The following GLRA3 variants were observed in gnomAD, a reference collection of about 807,000 sequenced individuals.
GLRA3 encodes glycine receptor subunit alpha-3.
A neutral mutation model predicts 60.4 loss-of-function variants in GLRA3; 44 were observed. That is an observed-to-expected ratio of 0.73 (90% CI 0.57 to 0.94). The LOEUF is 0.94. GLRA3 is among the 40% of genes least tolerant of loss of function. The probability of loss-of-function intolerance (pLI) is 0.00; values close to 1 mark genes in which losing one functional copy is unlikely to be tolerated. For synonymous variants in GLRA3, 223 were observed against 192.9 expected (o/e 1.16, Z -1.29); for missense variants, 508 against 564.6 (o/e 0.90, Z 1.02).
At chr4:174,772,624 C>T (rs756094941) in intron 2 of GLRA3, among the ~76,000 whole-genome samples, 3 of 151,988 alleles carry the variant, frequency 2.0e-5, no homozygotes, top group Admixed American at 6.6e-5. Flanking sequence ...TTAAAATATT[C>T]AAATAAAAAA....
intron 7 of GLRA3, among the ~76,000 whole-genome samples, chr4:174,664,207 T>G (rs1733570916): frequency 6.6e-6 from 1 of 152,186 alleles, no homozygotes; most frequent in Non-Finnish European, 1.5e-5. Flanking sequence ...CTATTCTCAC[T>G]GGGACACGAC....
chr4:174,691,169 C>G (rs1319790321), intron 5 of GLRA3, among the ~76,000 whole-genome samples: 2 of 152,314 alleles, frequency 1.3e-5, no homozygotes, highest in East Asian at 3.9e-4. Flanking sequence ...TCTGCAACCT[C>G]AGCAGCATCT....
At chr4:174,828,131 T>C (rs1368248095) in intron 1 of GLRA3, among the ~76,000 whole-genome samples, 1 of 152,202 alleles carries the variant, frequency 6.6e-6, no homozygotes, top group Non-Finnish European at 1.5e-5. Flanking sequence ...GTTTAATGGC[T>C]TTGTTATAAT....
chr4:174,790,410 A>G (rs540271157), intron 1 of GLRA3, among the ~76,000 whole-genome samples: 2 of 152,212 alleles, frequency 1.3e-5, no homozygotes, highest in South Asian at 2.1e-4. Flanking sequence ...TATCTTCTCA[A>G]TGACTCTAGA....
At chr4:174,797,571 T>A (rs1252021063) in intron 1 of GLRA3, among the ~76,000 whole-genome samples, 1 of 152,172 alleles carries the variant, frequency 6.6e-6, no homozygotes, top group Non-Finnish European at 1.5e-5. Context: ...ATTTCATAAA[T>A]GTTGGCAGAA....
At position 174,659,053 on chromosome 4, in the gene GLRA3, C is replaced by T; in HGVS notation, c.1071+1G>A. On this transcript the variant is annotated splice_donor_variant, in intron 8 of 9. Coordinates refer to ENST00000274093, the MANE Select transcript of GLRA3 (RefSeq NM_006529.4). LOFTEE classifies it high-confidence loss of function. Reference sequence around the variant, plus strand: ...CAAACCCAATACGTTTAATCACTTACCTTATTCTTTCTCTTTCGTCGAAAT... The same window carrying T: ...CAAACCCAATACGTTTAATCACTTATCTTATTCTTTCTCTTTCGTCGAAAT... 6.2e-7 allele frequency: 1 copy of T among 1,611,562 alleles called. No homozygotes were observed. The highest frequency in any genetic ancestry group is 8.5e-7 in the Non-Finnish European group (1 of 1,178,266).
chr4:174,715,897 T>C (rs1443430417), intron 4 of GLRA3, among the ~76,000 whole-genome samples: 1 of 152,160 alleles, frequency 6.6e-6, no homozygotes, highest in Non-Finnish European at 1.5e-5. Context: ...TATATGTTTA[T>C]TTATTCAATT....
At chr4:174,764,338 G>C (rs1738054121) in intron 3 of GLRA3, among the ~76,000 whole-genome samples, 2 of 152,062 alleles carry the variant, frequency 1.3e-5, no homozygotes, top group Admixed American at 1.3e-4. Context: ...AGCCAGTAAA[G>C]ACATTGAAGA....
At chr4:174,795,155 A>C (rs1196859909) in intron 1 of GLRA3, among the ~76,000 whole-genome samples, 3 of 151,860 alleles carry the variant, frequency 2.0e-5, no homozygotes, top group Non-Finnish European at 4.4e-5. Context: ...TTAATAATTA[A>C]ATTAAACTGG....
intron 1 of GLRA3, among the ~76,000 whole-genome samples, chr4:174,793,013 G>GA (rs1312835765): frequency 6.6e-6 from 1 of 152,054 alleles, no homozygotes; most frequent in Non-Finnish European, 1.5e-5. Flanking sequence ...TTTACTAAGA[G>GA]AAAAATGTTT....
At chr4:174,701,556 C>G (rs1278412343) in intron 5 of GLRA3, among the ~76,000 whole-genome samples, 1 of 152,028 alleles carries the variant, frequency 6.6e-6, no homozygotes, top group African/African-American at 2.4e-5. Flanking sequence ...ACATTTTGTC[C>G]ATTCTGTAAG....
At chr4:174,779,782 G>T (rs1314174275) in intron 2 of GLRA3, among the ~76,000 whole-genome samples, 1 of 151,362 alleles carries the variant, frequency 6.6e-6, no homozygotes, top group Non-Finnish European at 1.5e-5. Context: ...AAAAAGAAAT[G>T]AGCAAAGCCT....
At chr4:174,690,360 C>T (rs956691455) in intron 5 of GLRA3, among the ~76,000 whole-genome samples, 1 of 152,028 alleles carries the variant, frequency 6.6e-6, no homozygotes, top group African/African-American at 2.4e-5. Flanking sequence ...AACATTTTCA[C>T]AATAATGTAT....
chr4:174,753,005 T>A (rs559103844), intron 3 of GLRA3, among the ~76,000 whole-genome samples: 1 of 152,344 alleles, frequency 6.6e-6, no homozygotes, highest in African/African-American at 2.4e-5. Flanking sequence ...CAAGCCTCCT[T>A]GATGAGATTG....
rs1732564050 is a variant in GLRA3, at chr4:174,638,968, A to G, written c.*4818T>C. Reference sequence around the variant, plus strand: ...AATCACTTTTTAAAAATAATACTCCATCACCTTAAATGTCTCCTCTTTGTT... The same window carrying G: ...AATCACTTTTTAAAAATAATACTCCGTCACCTTAAATGTCTCCTCTTTGTT... On this transcript the variant is annotated 3_prime_UTR_variant, in exon 10 of 10. Transcript: ENST00000274093. 6.6e-6 allele frequency: 1 copy of G among 152,214 alleles called. No homozygotes were observed. The highest frequency in any genetic ancestry group is 1.5e-5 in the Non-Finnish European group (1 of 68,042). 9.4% of individuals were successfully genotyped at this position (152,214 alleles called of 1,614,324 possible). A position where few individuals can be genotyped will look rare whatever the true frequency, so the allele number is the denominator to read the frequency against.
intron 3 of GLRA3, among the ~76,000 whole-genome samples, chr4:174,738,311 G>GA (rs1185519911): frequency 1.3e-5 from 2 of 152,070 alleles, no homozygotes; most frequent in African/African-American, 4.8e-5. Context: ...AGAATTAAAA[G>GA]AAAAATGTAA....
intron 1 of GLRA3, among the ~76,000 whole-genome samples, chr4:174,797,883 C>T (rs1739633983): frequency 1.3e-5 from 2 of 151,000 alleles, no homozygotes; most frequent in African/African-American, 4.9e-5. Context: ...ATGACTGTGT[C>T]ACTGCACTCC....
At chr4:174,679,493 G>C (rs1298695579) in intron 6 of GLRA3, among the ~76,000 whole-genome samples, 1 of 152,154 alleles carries the variant, frequency 6.6e-6, no homozygotes, top group East Asian at 1.9e-4. Flanking sequence ...AAGAGTATAG[G>C]AGTTCCTTTA....
chr4:174,717,581 A>G (rs182050587), intron 4 of GLRA3, among the ~76,000 whole-genome samples: 4 of 152,258 alleles, frequency 2.6e-5, no homozygotes, highest in Admixed American at 1.3e-4. Context: ...AAATGGAGAG[A>G]CAGTGAAGCT....
Sources: gnomAD v4.1 joint callset for allele counts (sites outside exome capture counted in the v4.1 genomes callset) on GRCh38, gnomAD v4.1.1 for gene constraint, MANE v1.5 for transcripts, NCBI Gene and HGNC (gene_info 2026-07-23, HGNC 2026-07-21) for gene names.